Variants in PLCB1 observed in about 807,000 individuals in gnomAD.
The protein encoded by PLCB1 is phospholipase C beta 1.
A neutral mutation model predicts 161.8 loss-of-function variants in PLCB1; 46 were observed. The observed-to-expected ratio is 0.28, with a 90% CI of 0.22 to 0.36. PLCB1 has a LOEUF of 0.36. Among genes scored for constraint, PLCB1 ranks in the 10% least tolerant of loss-of-function variants. The pLI, the probability that PLCB1 is intolerant of heterozygous loss-of-function variation, is 1.00. For missense variants in PLCB1, 1,016 were observed against 1,472.5 expected (o/e 0.69, Z 5.07); for synonymous variants, 517 against 503.7 (o/e 1.03, Z -0.35).
intron 9 of PLCB1, among the ~76,000 whole-genome samples, chr20:8,660,895 A>G (rs943750921): frequency 2.0e-5 from 3 of 152,184 alleles, no homozygotes; most frequent in Admixed American, 2.0e-4. Flanking sequence ...TGAGTTTCAA[A>G]GCTGAGATCC....
In PLCB1 at chr20:8,882,650, C is replaced by CTGTT. The variant is rs1988037129; in HGVS notation, c.*801_*802insTGTT. The CTGTT allele has an allele frequency of 6.6e-6, 1 of 152,398 alleles. No individual in the cohort carries two copies. The highest frequency in any genetic ancestry group is 1.5e-5 in the Non-Finnish European group (1 of 68,016). The allele number at this position is 152,398 out of a possible 1,614,324, so 9.4% of individuals were successfully genotyped here. A position where few individuals can be genotyped will look rare whatever the true frequency, so the allele number is the denominator to read the frequency against. On this transcript the variant is annotated 3_prime_UTR_variant, in exon 32 of 32. Transcript: ENST00000338037. The stretch of plus-strand genomic sequence containing the variant: ...TCATTGGTTATTGGCCTGAAATGAT[C>CTGTT]AAATAACTACAAATGATCTGTTGAA...
chr20:8,325,192 G>T (rs982243972), intron 2 of PLCB1, among the ~76,000 whole-genome samples: 1 of 152,106 alleles, frequency 6.6e-6, no homozygotes, highest in East Asian at 1.9e-4. Flanking sequence ...GGTTTTTCTT[G>T]GTTGGATGAA....
intron 2 of PLCB1, among the ~76,000 whole-genome samples, chr20:8,218,026 A>G (rs955980158): frequency 6.6e-6 from 1 of 152,166 alleles, no homozygotes; most frequent in Non-Finnish European, 1.5e-5. Flanking sequence ...GTGGTATTTT[A>G]TTATAGCAAC....
At chr20:8,723,181 A>G (rs1019397215) in intron 15 of PLCB1, among the ~76,000 whole-genome samples, 1 of 152,192 alleles carries the variant, frequency 6.6e-6, no homozygotes, top group Non-Finnish European at 1.5e-5. Flanking sequence ...TTTAATGTCT[A>G]AAGTTTTGCT....
intron 30 of PLCB1, among the ~76,000 whole-genome samples, chr20:8,789,947 A>T (rs1457479430): frequency 6.6e-6 from 1 of 152,168 alleles, no homozygotes; most frequent in Non-Finnish European, 1.5e-5. Flanking sequence ...ACATATTTAT[A>T]AAAAGGTAAG....
intron 2 of PLCB1, among the ~76,000 whole-genome samples, chr20:8,176,404 G>T (rs1473271702): frequency 6.6e-6 from 1 of 152,218 alleles, no homozygotes; most frequent in East Asian, 1.9e-4. Flanking sequence ...CATACTGTAT[G>T]ATTCCATTTA....
At position 8,433,736 on chromosome 20, in the gene PLCB1, C is replaced by G. The variant is rs1980169328; in HGVS notation, c.246+62286C>G. On this transcript the variant is annotated intron_variant, in intron 3 of 31. Coordinates refer to ENST00000338037, the MANE Select transcript of PLCB1 (RefSeq NM_015192.4). ...CCTCCTCCTCCTCATCCTCCTCCTCCTCCTCCTCATGGACAATTGGTTTCA... is the reference window on the plus strand; with the variant it reads ...CCTCCTCCTCCTCATCCTCCTCCTCGTCCTCCTCATGGACAATTGGTTTCA... 1.7e-5 allele frequency among the ~76,000 whole-genome samples: 2 copies of G among 117,012 alleles called. 1 individual carries two copies. Among genetic ancestry groups the G allele is most frequent in the African/African-American group, 7.1e-5 (2 of 28,080 alleles). 76.8% of individuals were successfully genotyped at this position (117,012 alleles called of 152,430 possible). A position where few individuals can be genotyped will look rare whatever the true frequency, so the allele number is the denominator to read the frequency against.
intron 3 of PLCB1, among the ~76,000 whole-genome samples, chr20:8,588,833 A>C (rs2123101370): frequency 1.3e-5 from 2 of 152,278 alleles, no homozygotes; most frequent in South Asian, 4.1e-4. Flanking sequence ...ATGAACTTTC[A>C]TGTTTTCTGC....
intron 2 of PLCB1, among the ~76,000 whole-genome samples, chr20:8,318,454 C>CG (rs1288407538): frequency 6.6e-6 from 1 of 151,162 alleles, no homozygotes; most frequent in South Asian, 2.2e-4. Flanking sequence ...ATTGCCCCCC[C>CG]CCTTTTTCTT....
chr20:8,684,227 AAATT>A (rs1004738351), intron 9 of PLCB1, among the ~76,000 whole-genome samples: 4 of 125,594 alleles, frequency 3.2e-5, no homozygotes, highest in Admixed American at 2.6e-4. Flanking sequence ...AACCACTTGT[AAATT>A]ATTTATTTAT....
At chr20:8,769,253 CATTTTTAAAATAAAAATTAACATTTT>C (rs1389608315) in intron 26 of PLCB1, among the ~76,000 whole-genome samples, 3 of 151,818 alleles carry the variant, frequency 2.0e-5, no homozygotes, top group African/African-American at 2.4e-5. Flanking sequence ...CAACTCATAA[CATTTTTAAAATAAAAATTAACATTTT>C]ATTTTTAAAA....
intron 2 of PLCB1, among the ~76,000 whole-genome samples, chr20:8,298,811 A>G (rs1287882283): frequency 6.6e-6 from 1 of 152,212 alleles, no homozygotes; most frequent in Non-Finnish European, 1.5e-5. Context: ...CATAGCACAC[A>G]GGAATTCAAA....
At chr20:8,729,265 C>A in intron 18 of PLCB1, 91 bp downstream of exon 18, 1 of 1,176,078 alleles carries the variant, frequency 8.5e-7, no homozygotes, top group Non-Finnish European at 1.1e-6. Flanking sequence ...AGAAAATTGC[C>A]AGACTTCACT....
intron 31 of PLCB1, among the ~76,000 whole-genome samples, chr20:8,814,608 T>TGC (rs1230749586): frequency 1.3e-5 from 2 of 151,512 alleles, no homozygotes; most frequent in Non-Finnish European, 2.9e-5. Context: ...TGTGTGTGTG[T>TGC]GTAAACATAT....
chr20:8,417,075 T>TATATA (rs1568668019), intron 3 of PLCB1, among the ~76,000 whole-genome samples: 3 of 30,476 alleles, frequency 9.8e-5, no homozygotes, highest in African/African-American at 6.9e-4. Flanking sequence ...ATATATATAT[T>TATATA]TTTTTTTTTT....
At chr20:8,874,881 G>A (rs1015181337) in intron 31 of PLCB1, among the ~76,000 whole-genome samples, 1 of 151,896 alleles carries the variant, frequency 6.6e-6, no homozygotes, top group African/African-American at 2.4e-5. Context: ...GAGTTGCTGG[G>A]TTACAAGCCT....
At chr20:8,381,992 T>C (rs983931127) in intron 3 of PLCB1, among the ~76,000 whole-genome samples, 6 of 152,152 alleles carry the variant, frequency 3.9e-5, no homozygotes, top group Admixed American at 6.5e-5. Context: ...TGTCTTCTGC[T>C]AGCTTTTGGA....
Position 8,656,205 on chromosome 20 carries a change from A to G in PLCB1, c.595-979A>G, listed in dbSNP as rs187806342. 2.0e-5 allele frequency among the ~76,000 whole-genome samples: 3 copies of G among 152,148 alleles called. No homozygotes were observed. The East Asian group carries it at 5.8e-4, about 29-fold the overall frequency. ...AAATAGATTTTTTCTATCTCTGTAA[A>G]TGGATTTAGCAAAGGAAATATTACT... On this transcript the variant is annotated intron_variant, in intron 7 of 31. Coordinates refer to ENST00000338037, the MANE Select transcript of PLCB1 (RefSeq NM_015192.4).
intron 1 of PLCB1, among the ~76,000 whole-genome samples, chr20:8,143,712 A>G (rs1396424675): frequency 6.6e-6 from 1 of 152,226 alleles, no homozygotes; most frequent in Non-Finnish European, 1.5e-5. Flanking sequence ...GCCAAGGAAC[A>G]CAAGATTTTG....
Sources: allele counts gnomAD v4.1 joint callset (sites outside exome capture counted in the v4.1 genomes callset), GRCh38; gene constraint gnomAD v4.1.1; transcripts MANE v1.5; gene names NCBI Gene and HGNC (gene_info 2026-07-23, HGNC 2026-07-21).